Variants in SHISAL2A observed in about 807,000 individuals in gnomAD.
SHISAL2A encodes protein shisa-like-2A.
In SHISAL2A, 18 loss-of-function variants were observed where a neutral mutation model predicts 11.5. The observed-to-expected ratio is 1.57, with a 90% CI of 1.08 to 2.33. The LOEUF (loss-of-function observed/expected upper bound fraction) is 2.33. Ranked by LOEUF, SHISAL2A falls within the 30% of genes most tolerant of loss-of-function variation. The probability of loss-of-function intolerance (pLI) is 0.00; values close to 1 mark genes in which losing one functional copy is unlikely to be tolerated. For synonymous variants in SHISAL2A, 94 were observed against 99.6 expected, an observed-to-expected ratio of 0.94 and a Z score of 0.34; for missense variants, 261 against 250.9, an observed-to-expected ratio of 1.04 and a Z score of -0.27.
At chr1:52,648,041 T>G (rs1176173362) in intron 2 of SHISAL2A, among the ~76,000 whole-genome samples, 1 of 136,108 alleles carries the variant, frequency 7.3e-6, no homozygotes, top group Non-Finnish European at 1.5e-5. Flanking sequence ...GCAATATCTA[T>G]TTAAATAATA....
At position 52,633,288 on chromosome 1, in the gene SHISAL2A, C is replaced by G; in HGVS notation, c.-206C>G. 2.2e-6 allele frequency: 1 copy of G among 456,200 alleles called. No individual in the cohort carries two copies. The highest frequency in any genetic ancestry group is 3.8e-6 in the Non-Finnish European group (1 of 266,062). The allele number at this position is 456,200 out of a possible 1,614,324, so 28.3% of individuals were successfully genotyped here. ...GCCGCCCGCCCCGCCTGCCCCTACC[C>G]CTCCGCGCGGGCCGGGCACCTGGCC... On this transcript the variant is annotated 5_prime_UTR_variant, in exon 1 of 3. Coordinates refer to ENST00000517870, the MANE Select transcript of SHISAL2A (RefSeq NM_001042693.3). This position sits in a 1 kb window ranked among gnomAD's most constrained non-coding sequence, Gnocchi z 6.4.
chr1:52,662,979 G>T (rs1691937303), intron 4 of SHISAL2A, among the ~76,000 whole-genome samples: 1 of 152,300 alleles, frequency 6.6e-6, no homozygotes, highest in South Asian at 2.1e-4. Flanking sequence ...TATCTCCAAG[G>T]AGGCCTTTCT....
chr1:52,666,325 G>A (rs1451980359), intron 4 of SHISAL2A, among the ~76,000 whole-genome samples: 3 of 151,994 alleles, frequency 2.0e-5, no homozygotes, highest in Admixed American at 6.6e-5. Flanking sequence ...GGTGGCAGGC[G>A]CCTGTAGTCC....
chr1:52,657,213 G>T (rs1025668339), downstream of SHISAL2A: 4 of 859,268 alleles, frequency 4.7e-6, no homozygotes, highest in Middle Eastern at 7.0e-4. Flanking sequence ...GTGGGCCAAA[G>T]AACTTTGACA....
chr1:52,658,663 A>G (rs1243982018), downstream of SHISAL2A, among the ~76,000 whole-genome samples: 1 of 152,230 alleles, frequency 6.6e-6, no homozygotes, highest in Non-Finnish European at 1.5e-5. Context: ...TATTTTTAAC[A>G]TGTCTTATTA....
chr1:52,633,578 G>A lies in SHISAL2A; in HGVS notation c.85G>A (p.Ala29Thr), dbSNP rs756318923. The change falls in exon 1 of 3, where the codon GCC (alanine) becomes ACC (threonine). Residue 29 changes from alanine to threonine, a missense_variant. Transcript: ENST00000517870. This position sits in a 1 kb window ranked among gnomAD's most constrained non-coding sequence, Gnocchi z 6.4. ...CTGCCCGCGGCCGGGGGGCGAGGCG[G>A]CCGCTGTCTTCTGCTGCGGCTTCCG... The part of the protein sequence containing the change: ...FSCPRPGGEA[A>T]AVFCCGFRDH... 6.2e-7 allele frequency: 1 copy of A among 1,611,622 alleles called. No homozygotes were observed. The highest frequency in any genetic ancestry group is 8.5e-7 in the Non-Finnish European group (1 of 1,179,080).
intron 1 of SHISAL2A, among the ~76,000 whole-genome samples, chr1:52,637,245 T>C (rs948485110): frequency 1.3e-5 from 2 of 152,190 alleles, no homozygotes; most frequent in African/African-American, 4.8e-5. Context: ...AATTGCAAAG[T>C]GCAGGAGAGG....
chr1:52,650,245 C>A (rs779122434), intron 2 of SHISAL2A, among the ~76,000 whole-genome samples: 11 of 152,226 alleles, frequency 7.2e-5, no homozygotes, highest in Non-Finnish European at 1.5e-4. Flanking sequence ...CCTGAGAACT[C>A]CTTTCCAAGC....
chr1:52,646,587 A>G (rs936358129), intron 2 of SHISAL2A, among the ~76,000 whole-genome samples: 4 of 151,928 alleles, frequency 2.6e-5, no homozygotes, highest in Non-Finnish European at 5.9e-5. Flanking sequence ...GCTAAAATTT[A>G]CTTGTAACGT....
At chr1:52,639,492 G>A (rs375637784) in intron 1 of SHISAL2A, among the ~76,000 whole-genome samples, 6 of 152,192 alleles carry the variant, frequency 3.9e-5, no homozygotes, top group East Asian at 2.0e-4. Flanking sequence ...GGTAGCTTAC[G>A]CCTGTAATCC....
intron 1 of SHISAL2A, among the ~76,000 whole-genome samples, chr1:52,638,833 A>T (rs1691295044): frequency 6.6e-6 from 1 of 152,186 alleles, no homozygotes. Context: ...ATTATCCTGC[A>T]CTATTGACTT....
downstream of SHISAL2A, among the ~76,000 whole-genome samples, chr1:52,657,947 T>C (rs1193953694): frequency 6.6e-6 from 1 of 152,240 alleles, no homozygotes. Context: ...TAAAGTCCCT[T>C]GTCTTCCTGA....
At chr1:52,639,347 A>G (rs1691307441) in intron 1 of SHISAL2A, among the ~76,000 whole-genome samples, 1 of 152,300 alleles carries the variant, frequency 6.6e-6, no homozygotes, top group African/African-American at 2.4e-5. Context: ...AGTTATGCAT[A>G]TATGTATACT....
intron 4 of SHISAL2A, among the ~76,000 whole-genome samples, chr1:52,662,097 G>A (rs1691917749): frequency 6.6e-6 from 1 of 151,750 alleles, no homozygotes; most frequent in Non-Finnish European, 1.5e-5. Context: ...TAGAGATGAA[G>A]AGTAGGTTTG....
chr1:52,651,956 T>C (rs1254212377), intron 2 of SHISAL2A, among the ~76,000 whole-genome samples: 2 of 152,172 alleles, frequency 1.3e-5, no homozygotes, highest in Non-Finnish European at 2.9e-5. Context: ...TGGCACAAAG[T>C]AGCACAATGA....
At chr1:52,641,564 G>A (rs978605701) in intron 1 of SHISAL2A, among the ~76,000 whole-genome samples, 4 of 152,204 alleles carry the variant, frequency 2.6e-5, no homozygotes, top group Admixed American at 6.5e-5. Flanking sequence ...AGGTTGGAGG[G>A]TGAGGGACCA....
chr1:52,661,922 A>G (rs949244736), downstream of SHISAL2A, among the ~76,000 whole-genome samples: 3 of 151,876 alleles, frequency 2.0e-5, no homozygotes, highest in Non-Finnish European at 2.9e-5. Flanking sequence ...AATCCCAGCT[A>G]CTCGGGAGGC....
chr1:52,651,561 T>TC lies in SHISAL2A; in HGVS notation c.323-5229_323-5228insC, dbSNP rs927557098. On this transcript the variant is annotated intron_variant, in intron 2 of 2. Coordinates refer to ENST00000517870, the MANE Select transcript of SHISAL2A (RefSeq NM_001042693.3). The stretch of plus-strand genomic sequence containing the variant: ...CCAACAATTTTTGTTTTCTTTTTTT[T>TC]TGAGATGGAGTCTCACCCTCTTGCC... Among the ~76,000 whole-genome samples the TC allele has an allele frequency of 2.0e-3, 302 of 152,140 alleles. 1 individual carries two copies. Among genetic ancestry groups the TC allele is most frequent in the African/African-American group, 7.0e-3 (291 of 41,498 alleles).
intron 4 of SHISAL2A, among the ~76,000 whole-genome samples, chr1:52,664,619 A>G (rs921025614): frequency 3.3e-5 from 5 of 151,844 alleles, no homozygotes; most frequent in African/African-American, 1.2e-4. Context: ...TGGCCTCCCA[A>G]AGTTGTTGGG....
Sources: gnomAD v4.1 joint callset for allele counts (sites outside exome capture counted in the v4.1 genomes callset) on GRCh38, gnomAD v4.1.1 for gene constraint, Gnocchi (gnomAD v3.1) non-coding constraint, MANE v1.5 for transcripts, NCBI Gene and HGNC (gene_info 2026-07-23, HGNC 2026-07-21) for gene names.